CD55: variants seen among roughly 807,000 people sequenced by gnomAD.
The protein encoded by CD55 is CD55 molecule (Cromer blood group), also known as complement decay-accelerating factor.
A neutral mutation model predicts 45.8 loss-of-function variants in CD55; 41 were observed. The ratio of observed to expected loss-of-function variants is 0.90; its 90% confidence interval spans 0.70 to 1.16. CD55 has a LOEUF of 1.16. Ranked by LOEUF, CD55 falls within the 50% of genes most tolerant of loss-of-function variation. The pLI is 0.00. For synonymous variants in CD55, 181 were observed against 181.1 expected (o/e 1.00, Z 0.01); for missense variants, 416 against 469.8 (o/e 0.89, Z 1.06).
chr1:207,323,196 A>G (rs1459469550), intron 2 of CD55, among the ~76,000 whole-genome samples: 1 of 150,550 alleles, frequency 6.6e-6, no homozygotes, highest in Non-Finnish European at 1.5e-5. Flanking sequence ...TAATTGGGAT[A>G]TATATATATA....
intron 5 of CD55, among the ~76,000 whole-genome samples, chr1:207,329,570 C>G (rs1039281315): frequency 7.9e-5 from 12 of 152,050 alleles, no homozygotes; most frequent in African/African-American, 2.9e-4. Flanking sequence ...ATGTTTTATG[C>G]CTTATACATG....
chr1:207,337,477 C>A, intron 8 of CD55, 68 bp downstream of exon 8: 2 of 863,776 alleles, frequency 2.3e-6, no homozygotes, highest in Non-Finnish European at 4.0e-6. Flanking sequence ...ATGAACTTGA[C>A]CAAGATTGCA....
chr1:207,338,225 G>A (rs1182265303), intron 8 of CD55, among the ~76,000 whole-genome samples: 1 of 151,920 alleles, frequency 6.6e-6, no homozygotes, highest in Non-Finnish European at 1.5e-5. Flanking sequence ...ACATAATAAT[G>A]TTTCATATTT....
chr1:207,358,899 C>CG (rs1053680479), intron 9 of CD55, among the ~76,000 whole-genome samples: 1 of 151,980 alleles, frequency 6.6e-6, no homozygotes, highest in Non-Finnish European at 1.5e-5. Context: ...CACAAATATT[C>CG]GGGGGGAAAG....
At chr1:207,337,161 T>A (rs1193824930) in intron 7 of CD55, 168 bp from the exon 8 acceptor site, 1 of 615,210 alleles carries the variant, frequency 1.6e-6, no homozygotes, top group Admixed American at 3.0e-5. Flanking sequence ...AATCCCATGA[T>A]GACAAATGCT....
intron 9 of CD55, chr1:207,340,817 G>T: frequency 2.4e-6 from 1 of 422,744 alleles, no homozygotes; most frequent in Non-Finnish European, 4.2e-6. Context: ...CCCAGTAGTG[G>T]GATTGCTGGA....
intron 5 of CD55, among the ~76,000 whole-genome samples, chr1:207,327,399 A>G (rs947586149): frequency 6.6e-6 from 1 of 152,204 alleles, no homozygotes; most frequent in Non-Finnish European, 1.5e-5. Flanking sequence ...AGATAAGCTT[A>G]TACCGTCAAG....
chr1:207,336,893 C>A (rs1209083597), intron 7 of CD55, 75 bp downstream of exon 7: 5 of 1,524,194 alleles, frequency 3.3e-6, no homozygotes, highest in Non-Finnish European at 4.5e-6. Context: ...ACCAACTCCT[C>A]AGAAACCCAC....
At chr1:207,337,462 G>A in intron 8 of CD55, 53 bp downstream of exon 8, 1 of 980,670 alleles carries the variant, frequency 1.0e-6, no homozygotes, top group Non-Finnish European at 1.6e-6. Flanking sequence ...TGCTATGGTG[G>A]AAATATGAAC....
intron 9 of CD55, among the ~76,000 whole-genome samples, chr1:207,346,822 C>T (rs1373383425): frequency 2.6e-5 from 4 of 152,196 alleles, no homozygotes; most frequent in South Asian, 2.1e-4. Flanking sequence ...TGAACTTACT[C>T]TCTGGAGTAA....
In CD55 at chr1:207,321,751, C is replaced by T. The variant is rs1349350467; in HGVS notation, c.-15C>T. 5.3e-6 allele frequency: 8 copies of T among 1,506,138 alleles called. No homozygotes were observed. In the South Asian group the frequency reaches 9.9e-5, roughly 19 times the overall value. The allele number at this position is 1,506,138 out of a possible 1,614,324, so 93.3% of individuals were successfully genotyped here. On this transcript the variant is annotated 5_prime_UTR_variant, in exon 1 of 10. Transcript: ENST00000367064. ...GGAGTCCCGGCGGCGCGTCCTTGTT[C>T]TAACCCGGCGCGCCATGACCGTCGC... is the stretch of plus-strand genomic sequence containing the variant.
intron 9 of CD55, among the ~76,000 whole-genome samples, chr1:207,341,596 C>G (rs1327088250): frequency 6.6e-6 from 1 of 152,124 alleles, no homozygotes; most frequent in Non-Finnish European, 1.5e-5. Context: ...GTTCTCTATT[C>G]TGTTCCATTA....
At chr1:207,356,698 A>C (rs183081564) in intron 9 of CD55, among the ~76,000 whole-genome samples, 2 of 152,334 alleles carry the variant, frequency 1.3e-5, no homozygotes, top group Admixed American at 1.3e-4. Flanking sequence ...GCCACCTGTC[A>C]AGTGCTTAGA....
At chr1:207,350,064 TGAAGG>T in intron 9 of CD55, 1 of 453,824 alleles carries the variant, frequency 2.2e-6, no homozygotes, top group Non-Finnish European at 4.4e-6. Context: ...ACTTTTAACA[TGAAGG>T]GATGTTGAAT....
In CD55 at chr1:207,336,561, TG is replaced by T. The variant is rs1655179315; in HGVS notation, c.854-130del. 7.1e-5 allele frequency: 69 copies of T among 967,392 alleles called. 1 individual carries two copies. The South Asian group carries it at 1.0e-3, about 14-fold the overall frequency. The allele number at this position is 967,392 out of a possible 1,614,324, so 59.9% of individuals were successfully genotyped here. Reference sequence around the variant, plus strand: ...TCCTTGAGAAATACTCAATAAGAGTTGGTTTCCTGAAAGTCATACCTAGGTG... The same window carrying T: ...TCCTTGAGAAATACTCAATAAGAGTTGTTTCCTGAAAGTCATACCTAGGTG... On this transcript the variant is annotated intron_variant, in intron 6 of 9. Coordinates refer to ENST00000367064, the MANE Select transcript of CD55 (RefSeq NM_000574.5).
chr1:207,323,851 C>T (rs1654545354), intron 2 of CD55, among the ~76,000 whole-genome samples: 2 of 152,206 alleles, frequency 1.3e-5, no homozygotes, highest in South Asian at 4.1e-4. Context: ...GGCTCTTACA[C>T]TCTTTTTATG....
At chr1:207,354,090 G>A (rs1301444367) in intron 9 of CD55, 1 of 1,530,078 alleles carries the variant, frequency 6.5e-7, no homozygotes, top group Non-Finnish European at 8.8e-7. Flanking sequence ...GGTCACTCCA[G>A]TTCTTGGAGG....
intron 2 of CD55, among the ~76,000 whole-genome samples, chr1:207,324,282 G>C (rs1654565027): frequency 6.6e-6 from 1 of 151,980 alleles, no homozygotes; most frequent in Non-Finnish European, 1.5e-5. Flanking sequence ...TGCCAGAACT[G>C]GGCCAGGCAA....
At chr1:207,326,199 A>G (rs1654673700) in intron 4 of CD55, among the ~76,000 whole-genome samples, 1 of 152,226 alleles carries the variant, frequency 6.6e-6, no homozygotes, top group South Asian at 2.1e-4. Flanking sequence ...TCATTCATTG[A>G]GTACCATCAA....
Sources: allele counts gnomAD v4.1 joint callset (sites outside exome capture counted in the v4.1 genomes callset), GRCh38; gene constraint gnomAD v4.1.1; transcripts MANE v1.5; gene names NCBI Gene and HGNC (gene_info 2026-07-23, HGNC 2026-07-21).